NOP9: variants seen among roughly 807,000 people sequenced by gnomAD.
NOP9 encodes NOP9 nucleolar protein, also known as nucleolar protein 9.
NOP9 carries 50 observed loss-of-function variants against 63.0 expected under a neutral mutation model. The ratio of observed to expected loss-of-function variants is 0.79; its 90% confidence interval spans 0.63 to 1.00. The LOEUF (loss-of-function observed/expected upper bound fraction) is 1.00. Among genes scored for constraint, NOP9 ranks in the 50% least tolerant of loss-of-function variants. The pLI is 0.00. For synonymous variants in NOP9, 343 were observed against 332.8 expected (o/e 1.03, Z -0.33); for missense variants, 758 against 803.0 (o/e 0.94, Z 0.68).
chr14:24,299,223 A>C, upstream of NOP9: 2 of 1,226,526 alleles, frequency 1.6e-6, no homozygotes, highest in Non-Finnish European at 2.2e-6. Context: ...CACTAGGGCT[A>C]AGAGGAGGAG....
chr14:24,302,008 T>C lies in NOP9; in HGVS notation c.852T>C (p.Ala284=). The change falls in exon 4 of 10, where the codon GCT becomes GCC. Residue 284 remains alanine (A), a synonymous_variant. Transcript: ENST00000267425. ...TCTCCAGCTTCTGTCTTCAAGTGGCTTTACAGGTTTTACACCGCAAACTTC... is the reference window on the plus strand; with the variant it reads ...TCTCCAGCTTCTGTCTTCAAGTGGCCTTACAGGTTTTACACCGCAAACTTC... The part of the protein sequence containing the change: ...DKISSFCLQV[A]LQVLHRKLPQ... The C allele has an allele frequency of 4.3e-6, 7 of 1,614,102 alleles. No homozygotes were observed. Among genetic ancestry groups the C allele is most frequent in the Middle Eastern group, 3.3e-4 (2 of 6,062 alleles).
At position 24,307,997 on chromosome 14, in the gene NOP9, G is replaced by GC; in HGVS notation, c.*2908dup. The GC allele has an allele frequency of 1.3e-6, 1 of 775,438 alleles. No individual in the cohort carries two copies. Among genetic ancestry groups the GC allele is most frequent in the Non-Finnish European group, 2.2e-6 (1 of 454,888 alleles). The allele number at this position is 775,438 out of a possible 1,614,324, so 48.0% of individuals were successfully genotyped here. ...GGGAATGAGTCAAGCCTGGACTCTG[G>GC]CCCCCCTGCCTGGCCAGTAAGAAGG... On this transcript the variant is annotated 3_prime_UTR_variant, in exon 10 of 10. Transcript: ENST00000267425.
At chr14:24,302,489 G>C (rs1476794340) in intron 5 of NOP9, 65 bp downstream of exon 5, 5 of 1,471,306 alleles carry the variant, frequency 3.4e-6, no homozygotes, top group African/African-American at 1.4e-5. Flanking sequence ...TTATTTTATG[G>C]TCTGTCTGCC....
At chr14:24,279,965 GC>G in the NOP9 span, among the ~76,000 whole-genome samples, 30 of 152,304 alleles carry the variant, frequency 2.0e-4, no homozygotes, top group African/African-American at 6.7e-4. Context: ...AACACAGGGG[GC>G]TAAGGACATA....
Position 24,301,693 on chromosome 14 carries a change from T to C in NOP9, c.779T>C (p.Leu260Pro), listed in dbSNP as rs1349085030. Residue 260 changes from leucine (L) to proline (P), a missense_variant, in exon 3 of 10, where the codon CTG (leucine) becomes CCG (proline). Physicochemically the swap from Leu to Pro is moderately conservative, Grantham distance 98 (BLOSUM62 -3). Transcript: ENST00000267425. ...PETFLNRLQD[L>P]SSSFLKDIAV... ...ACCTTTTTGAATCGCCTTCAGGACC[T>C]GAGCTCCTCCTTTCTGAAGGACATT... 4 of 1,614,182 alleles carry C rather than the reference T, an allele frequency of 2.5e-6. No homozygotes were observed.
chr14:24,278,418 C>G, the NOP9 span, among the ~76,000 whole-genome samples: 1 of 152,088 alleles, frequency 6.6e-6, no homozygotes, highest in South Asian at 2.1e-4. Flanking sequence ...GAGGGAGGTC[C>G]CTAGTGATGG....
the NOP9 span, among the ~76,000 whole-genome samples, chr14:24,273,792 A>G: frequency 6.6e-6 from 1 of 152,178 alleles, no homozygotes; most frequent in Non-Finnish European, 1.5e-5. Context: ...CTGGCTACAA[A>G]TCCTAGCTTT....
the NOP9 span, chr14:24,294,292 A>G: frequency 3.3e-5 from 5 of 152,142 alleles, no homozygotes; most frequent in African/African-American, 1.2e-4. Flanking sequence ...CTGTGTATAT[A>G]AAGAGCAGGG....
intron 2 of NOP9, 86 bp from the exon 3 acceptor site, chr14:24,301,525 CG>C: frequency 6.4e-7 from 1 of 1,551,118 alleles, no homozygotes; most frequent in Non-Finnish European, 8.8e-7. Flanking sequence ...CATCTCCAAG[CG>C]GAATCCTTGT....
chr14:24,298,890 G>C (rs1358877390), upstream of NOP9: 1 of 1,500,178 alleles, frequency 6.7e-7, no homozygotes, highest in Non-Finnish European at 9.0e-7. Flanking sequence ...GATTAGGAAA[G>C]GAGCTGTTAA....
chr14:24,308,621 T>C lies in NOP9; in HGVS notation c.*3526T>C, dbSNP rs1200039664. On this transcript the variant is annotated 3_prime_UTR_variant, in exon 10 of 10. Transcript: ENST00000267425. ...CCGATTAGTGGACGTGACAGAGATG[T>C]GAATGGGGCAGGGATGTCCTTTGAT... The C allele has an allele frequency of 6.5e-6, 1 of 153,174 alleles. No homozygotes were observed. Among genetic ancestry groups the C allele is most frequent in the Non-Finnish European group, 1.5e-5 (1 of 68,714 alleles). The allele number at this position is 153,174 out of a possible 1,614,324, so 9.5% of individuals were successfully genotyped here. A position where few individuals can be genotyped will look rare whatever the true frequency, so the allele number is the denominator to read the frequency against.
the NOP9 span, among the ~76,000 whole-genome samples, chr14:24,274,179 CAT>C: frequency 6.6e-6 from 1 of 152,136 alleles, no homozygotes; most frequent in Non-Finnish European, 1.5e-5. Context: ...TGTGCACACT[CAT>C]AGGCGCAACC....
rs758081049 is a variant in NOP9, at chr14:24,302,094, C to T, written c.938C>T (p.Ser313Leu). ...GGCTACCTGAGTACTCGCGGTTCCT[C>T]AGTAGATGGCAGGTATGGTCAGGGC... ...VIGYLSTRGS[S>L]VDGSPLLLFL... is the part of the protein sequence containing the mutation. Residue 313 changes from serine to leucine, a missense_variant, in exon 4 of 10, where the codon TCA (serine) becomes TTA (leucine). By Grantham distance (145) the Ser-to-Leu change is moderately radical. Transcript: ENST00000267425. 1 of 1,613,380 alleles carries T rather than the reference C, an allele frequency of 6.2e-7. No homozygotes were observed. Among genetic ancestry groups the T allele is most frequent in the Non-Finnish European group, 8.5e-7 (1 of 1,179,610 alleles).
chr14:24,290,879 G>A, the NOP9 span: 4 of 1,613,630 alleles, frequency 2.5e-6, no homozygotes, highest in African/African-American at 2.7e-5. Context: ...CTAGTGTAGA[G>A]GGCAATAATC....
upstream of NOP9, chr14:24,299,812 G>A (rs953902830): frequency 7.3e-6 from 8 of 1,095,614 alleles, no homozygotes; most frequent in African/African-American, 1.1e-4. Context: ...CGGCTGGGGC[G>A]GCGCGGAACT....
At chr14:24,272,071 A>G in the NOP9 span, among the ~76,000 whole-genome samples, 2 of 151,526 alleles carry the variant, frequency 1.3e-5, no homozygotes, top group African/African-American at 4.9e-5. Context: ...TTTTCACTTC[A>G]CCCACTGTTC....
the NOP9 span, chr14:24,292,162 C>T: frequency 1.2e-6 from 2 of 1,614,034 alleles, no homozygotes; most frequent in African/African-American, 1.3e-5. Context: ...TTCTCTGCTT[C>T]CTTCGCCCTC....
At chr14:24,276,376 C>CAAAAAAAAAAAAAAAAAAAAA in the NOP9 span, among the ~76,000 whole-genome samples, 4 of 115,384 alleles carry the variant, frequency 3.5e-5, no homozygotes, top group Non-Finnish European at 7.4e-5. Flanking sequence ...GACTCGGTCT[C>CAAAAAAAAAAAAAAAAAAAAA]AAAAAAAAAA....
upstream of NOP9, chr14:24,296,901 A>G (rs780667550): frequency 6.2e-7 from 1 of 1,614,056 alleles, no homozygotes; most frequent in Admixed American, 1.7e-5. Flanking sequence ...GACAGGGGAT[A>G]TGAGCTCACA....
Sources: allele counts gnomAD v4.1 joint callset (sites outside exome capture counted in the v4.1 genomes callset), GRCh38; gene constraint gnomAD v4.1.1; transcripts MANE v1.5; gene names NCBI Gene and HGNC (gene_info 2026-07-23, HGNC 2026-07-21).